CSMD1: variants seen among roughly 807,000 people sequenced by gnomAD.
CSMD1 encodes the protein CUB and sushi domain-containing protein 1.
In CSMD1, 213 loss-of-function variants were observed where a neutral mutation model predicts 417.5. The observed-to-expected ratio is 0.51, with a 90% CI of 0.46 to 0.57. The LOEUF is 0.57. CSMD1 is among the 20% of genes least tolerant of loss of function. CSMD1 has a pLI of 0.00. For synonymous variants in CSMD1, 2,862 were observed against 1,736.8 expected, an observed-to-expected ratio of 1.65 and a Z score of -16.11; for missense variants, 6,923 against 4,529.7, an observed-to-expected ratio of 1.53 and a Z score of -15.17.
chr8:4,331,199 G>C (rs551991034), intron 3 of CSMD1, among the ~76,000 whole-genome samples: 1 of 152,246 alleles, frequency 6.6e-6, no homozygotes. Context: ...TCCTCAAATA[G>C]TTGACAAGAT....
intron 3 of CSMD1, among the ~76,000 whole-genome samples, chr8:4,125,606 C>T (rs990847277): frequency 1.3e-5 from 2 of 152,188 alleles, no homozygotes; most frequent in Non-Finnish European, 2.9e-5. Context: ...AGAATTATAA[C>T]TGAGGAAATT....
chr8:4,952,847 G>A (rs927325092), intron 1 of CSMD1, among the ~76,000 whole-genome samples: 14 of 152,086 alleles, frequency 9.2e-5, no homozygotes, highest in Admixed American at 7.9e-4. Flanking sequence ...ACTATATGCA[G>A]GTAAGCTTGT....
At chr8:3,870,431 A>G (rs535644686) in intron 5 of CSMD1, among the ~76,000 whole-genome samples, 5 of 152,302 alleles carry the variant, frequency 3.3e-5, no homozygotes, top group East Asian at 1.9e-4. Flanking sequence ...TTATATGCAT[A>G]TATCTTTACA....
chr8:4,498,347 C>T (rs538669144), intron 2 of CSMD1, among the ~76,000 whole-genome samples: 10 of 151,970 alleles, frequency 6.6e-5, no homozygotes, highest in Non-Finnish European at 1.5e-4. Context: ...TAACTTATTT[C>T]TTATGTATTT....
intron 3 of CSMD1, among the ~76,000 whole-genome samples, chr8:4,036,196 A>T (rs1797608411): frequency 6.6e-6 from 1 of 152,202 alleles, no homozygotes; most frequent in African/African-American, 2.4e-5. Context: ...TTGCACAGGG[A>T]CAAAATCACC....
intron 5 of CSMD1, among the ~76,000 whole-genome samples, chr8:3,864,298 G>A (rs1181647955): frequency 6.6e-6 from 1 of 152,134 alleles, no homozygotes; most frequent in East Asian, 1.9e-4. Context: ...AATATTTGTT[G>A]AGCTCTTTTC....
chr8:4,306,746 G>C (rs545123958), intron 3 of CSMD1, among the ~76,000 whole-genome samples: 1 of 152,026 alleles, frequency 6.6e-6, no homozygotes, highest in Non-Finnish European at 1.5e-5. Context: ...CCCGACCGCA[G>C]CAGGGTAGTG....
intron 26 of CSMD1, among the ~76,000 whole-genome samples, chr8:3,258,601 C>T (rs935529466): frequency 6.6e-6 from 1 of 152,042 alleles, no homozygotes; most frequent in South Asian, 2.1e-4. Flanking sequence ...GGTATATGCC[C>T]AAGGGAATAA....
intron 3 of CSMD1, among the ~76,000 whole-genome samples, chr8:4,104,502 C>T (rs140658620): frequency 4.2e-4 from 64 of 152,290 alleles, no homozygotes; most frequent in Admixed American, 1.0e-3. Context: ...CTTGCTTTCA[C>T]GGATTGAGGC....
At chr8:3,251,829 G>C (rs1351404006) in intron 26 of CSMD1, among the ~76,000 whole-genome samples, 1 of 152,168 alleles carries the variant, frequency 6.6e-6, no homozygotes, top group Non-Finnish European at 1.5e-5. Context: ...TGAAGCAGTT[G>C]TGAATGGCAG....
intron 6 of CSMD1, among the ~76,000 whole-genome samples, chr8:3,709,673 G>C: frequency 2.0e-5 from 1 of 51,246 alleles, no homozygotes; most frequent in South Asian, 6.0e-4. Flanking sequence ...TTAAATTGCA[G>C]CAGCATGTTT....
At chr8:3,510,086 G>T (rs1043341714) in intron 10 of CSMD1, among the ~76,000 whole-genome samples, 1 of 152,178 alleles carries the variant, frequency 6.6e-6, no homozygotes, top group African/African-American at 2.4e-5. Context: ...AATTCATTAG[G>T]AGAAAGTAAA....
chr8:4,845,521 C>T (rs756596115), intron 1 of CSMD1, among the ~76,000 whole-genome samples: 54 of 152,350 alleles, frequency 3.5e-4, no homozygotes, highest in Non-Finnish European at 7.1e-4. Context: ...TCCTCAACTA[C>T]GTATTTTGGC....
At chr8:4,348,742 G>A (rs910299486) in intron 3 of CSMD1, among the ~76,000 whole-genome samples, 17 of 152,136 alleles carry the variant, frequency 1.1e-4, no homozygotes, top group Non-Finnish European at 2.2e-4. Flanking sequence ...TAGGAAGACC[G>A]TGAGTTAAAA....
At chr8:3,536,224 G>C (rs1011154206) in intron 10 of CSMD1, among the ~76,000 whole-genome samples, 2 of 152,228 alleles carry the variant, frequency 1.3e-5, no homozygotes, top group Non-Finnish European at 2.9e-5. Context: ...AAGACTCGAA[G>C]CATCAATATT....
At chr8:4,241,532 T>G (rs949285210) in intron 3 of CSMD1, among the ~76,000 whole-genome samples, 6 of 152,204 alleles carry the variant, frequency 3.9e-5, no homozygotes, top group African/African-American at 1.2e-4. Context: ...GGGTCTCTAG[T>G]GCACCACTCT....
chr8:4,278,790 G>A (rs1403948222), intron 3 of CSMD1, among the ~76,000 whole-genome samples: 1 of 152,122 alleles, frequency 6.6e-6, no homozygotes, highest in Admixed American at 6.5e-5. Context: ...TATGTGGAAT[G>A]CTTTCATTTG....
At chr8:3,451,469 A>G (rs986414834) in intron 12 of CSMD1, among the ~76,000 whole-genome samples, 2 of 152,152 alleles carry the variant, frequency 1.3e-5, no homozygotes, top group Non-Finnish European at 2.9e-5. Context: ...TAAGTGTCCA[A>G]TTCATCTTGA....
rs145500455 is a variant in CSMD1 at position 3,725,514 on chromosome 8, G to C, written c.932-17023C>G. Among the ~76,000 whole-genome samples the C allele has an allele frequency of 3.9e-5, 6 of 152,316 alleles. No homozygotes were observed. In the East Asian group the frequency reaches 9.7e-4, roughly 25 times the overall value. On this transcript the variant is annotated intron_variant, in intron 6 of 69. Coordinates refer to ENST00000635120, the MANE Select transcript of CSMD1 (RefSeq NM_033225.6). ...GGGTGATATGAATGTGTATGTGTGTGTGTATGTGTATGTGGGTTTGTGTCC... is the reference window on the plus strand; with the variant it reads ...GGGTGATATGAATGTGTATGTGTGTCTGTATGTGTATGTGGGTTTGTGTCC...
Sources: allele counts gnomAD v4.1 joint callset (sites outside exome capture counted in the v4.1 genomes callset), GRCh38; gene constraint gnomAD v4.1.1; transcripts MANE v1.5; gene names NCBI Gene and HGNC (gene_info 2026-07-23, HGNC 2026-07-21).